CDH13: variants seen among roughly 807,000 people sequenced by gnomAD.
CDH13 encodes the protein cadherin 13.
Under a neutral mutation model 63.8 loss-of-function variants are expected in CDH13, and 24 were observed. That is an observed-to-expected ratio of 0.38 (90% CI 0.27 to 0.53). The LOEUF is 0.53. Among genes scored for constraint, CDH13 ranks in the 20% least tolerant of loss-of-function variants. The pLI, the probability that CDH13 is intolerant of heterozygous loss-of-function variation, is 0.85. For synonymous variants in CDH13, 503 were observed against 355.3 expected, an observed-to-expected ratio of 1.42 and a Z score of -4.67; for missense variants, 1,049 against 903.1, an observed-to-expected ratio of 1.16 and a Z score of -2.07.
intron 3 of CDH13, among the ~76,000 whole-genome samples, chr16:83,036,598 G>C (rs1490163543): frequency 6.6e-6 from 1 of 152,224 alleles, no homozygotes; most frequent in Admixed American, 6.5e-5. Context: ...CCAGCTCAGT[G>C]CCCTTCCCAC....
At chr16:83,341,359 A>G (rs189138819) in intron 5 of CDH13, among the ~76,000 whole-genome samples, 21 of 152,346 alleles carry the variant, frequency 1.4e-4, no homozygotes, top group Admixed American at 4.6e-4. Context: ...GGCATTTGCT[A>G]ACTGTGGGTC....
chr16:83,634,815 G>C (rs1004084717), intron 8 of CDH13, among the ~76,000 whole-genome samples: 2 of 152,196 alleles, frequency 1.3e-5, no homozygotes, highest in African/African-American at 4.8e-5. Flanking sequence ...TGGTATGCCA[G>C]AGTTCGTTGA....
chr16:83,289,192 G>T (rs957778423), intron 5 of CDH13, among the ~76,000 whole-genome samples: 1 of 141,966 alleles, frequency 7.0e-6, no homozygotes, highest in Non-Finnish European at 1.5e-5. Context: ...ATATGAATGT[G>T]CGTGAACTTG....
At chr16:83,780,486 C>T (rs181893485) in intron 12 of CDH13, among the ~76,000 whole-genome samples, 4 of 152,302 alleles carry the variant, frequency 2.6e-5, no homozygotes, top group African/African-American at 9.6e-5. Context: ...GCTACATACA[C>T]TATTTAGTAT....
intron 10 of CDH13, among the ~76,000 whole-genome samples, chr16:83,697,533 A>G (rs1905565879): frequency 6.6e-6 from 1 of 152,222 alleles, no homozygotes. Flanking sequence ...GATCAACTGT[A>G]TACGTTAAGG....
chr16:82,757,091 C>T (rs909399751), intron 1 of CDH13, among the ~76,000 whole-genome samples: 1 of 152,122 alleles, frequency 6.6e-6, no homozygotes, highest in Non-Finnish European at 1.5e-5. Flanking sequence ...ACCTCCAGTC[C>T]TCTCTTCCCA....
intron 1 of CDH13, among the ~76,000 whole-genome samples, chr16:82,698,455 C>A (rs1320433843): frequency 6.6e-6 from 1 of 152,246 alleles, no homozygotes; most frequent in Non-Finnish European, 1.5e-5. Flanking sequence ...GCAGTGCTCA[C>A]TGCCCATGCA....
intron 4 of CDH13, among the ~76,000 whole-genome samples, chr16:83,198,683 G>T (rs1204039457): frequency 3.9e-5 from 6 of 152,156 alleles, no homozygotes. Context: ...AACCCAGAGT[G>T]CAGGATTGGT....
In CDH13 at chr16:83,495,253, C is replaced by A. The variant is rs997751758; in HGVS notation, c.960+8598C>A. On this transcript the variant is annotated intron_variant, in intron 7 of 13. Coordinates refer to ENST00000567109, the MANE Select transcript of CDH13 (RefSeq NM_001257.5). ...CATTAATCAATACTTGTAAAATGTA[C>A]AATGGTTCGGTCTGGAAAGGCAGGA... 1.3e-4 allele frequency among the ~76,000 whole-genome samples: 20 copies of A among 152,080 alleles called. 1 individual carries two copies. In the East Asian group the frequency reaches 3.3e-3, roughly 25 times the overall value.
chr16:83,421,444 A>T lies in CDH13; in HGVS notation c.782-65033A>T, dbSNP rs80010915. Among the ~76,000 whole-genome samples the T allele has an allele frequency of 2.5e-3, 382 of 152,328 alleles. 3 individuals are homozygous for T. The highest frequency in any genetic ancestry group is 8.8e-3 in the African/African-American group (366 of 41,578). On this transcript the variant is annotated intron_variant, in intron 6 of 13. Coordinates refer to ENST00000567109, the MANE Select transcript of CDH13 (RefSeq NM_001257.5). The stretch of plus-strand genomic sequence containing the variant: ...GCTCTCTACATCTTTCCAATTAATT[A>T]TCCTCTGCATGTTGACTTCTTGTCC...
chr16:83,788,062 T>A (rs999223672), intron 13 of CDH13, among the ~76,000 whole-genome samples: 6 of 152,230 alleles, frequency 3.9e-5, no homozygotes, highest in African/African-American at 1.4e-4. Context: ...TGGGAATGCA[T>A]ATACACACGT....
chr16:82,724,273 G>A (rs890307439), intron 1 of CDH13, among the ~76,000 whole-genome samples: 5 of 151,494 alleles, frequency 3.3e-5, no homozygotes, highest in Admixed American at 6.6e-5. Flanking sequence ...GCATCCTTCC[G>A]TCCATCCATC....
At chr16:83,053,224 C>T (rs755584688) in intron 3 of CDH13, among the ~76,000 whole-genome samples, 1 of 151,846 alleles carries the variant, frequency 6.6e-6, no homozygotes, top group Non-Finnish European at 1.5e-5. Flanking sequence ...GTTAAAATGC[C>T]TAGGGATGGA....
intron 8 of CDH13, 85 bp from the exon 9 acceptor site, chr16:83,670,705 G>T (rs1454862583): frequency 4.5e-6 from 5 of 1,103,918 alleles, no homozygotes; most frequent in Middle Eastern, 2.0e-4. Context: ...GTGAGATGAT[G>T]TGTGTAACAT....
intron 8 of CDH13, among the ~76,000 whole-genome samples, chr16:83,624,757 C>T (rs539038085): frequency 2.0e-5 from 3 of 152,226 alleles, no homozygotes; most frequent in Admixed American, 2.0e-4. Context: ...AAAATGAGGC[C>T]TGTGGTTGAC....
intron 7 of CDH13, among the ~76,000 whole-genome samples, chr16:83,522,394 C>T (rs2074860238): frequency 6.6e-6 from 1 of 152,104 alleles, no homozygotes; most frequent in South Asian, 2.1e-4. Context: ...TGAGGTAAGG[C>T]ATATTGGGGA....
chr16:83,119,400 G>T (rs1379079560), intron 3 of CDH13, among the ~76,000 whole-genome samples: 1 of 151,954 alleles, frequency 6.6e-6, no homozygotes, highest in Non-Finnish European at 1.5e-5. Flanking sequence ...TCTGCTTCAC[G>T]TCCAGCAGGC....
At position 83,634,403 on chromosome 16, in the gene CDH13, C is replaced by CT. The variant is rs36010432; in HGVS notation, c.1101+31824dup. Among the ~76,000 whole-genome samples, 612 of 141,048 alleles carry CT rather than the reference C, an allele frequency of 4.3e-3. 1 individual carries two copies. Among genetic ancestry groups the CT allele is most frequent in the Non-Finnish European group, 5.2e-3 (339 of 65,008 alleles). 92.5% of individuals were successfully genotyped at this position (141,048 alleles called of 152,430 possible). A position where few individuals can be genotyped will look rare whatever the true frequency, so the allele number is the denominator to read the frequency against. The stretch of plus-strand genomic sequence containing the variant: ...AATATGTAACTCTTTGATATTAACT[C>CT]TTTTTTTTTTTTTTTGAGACGGAGT... On this transcript the variant is annotated intron_variant, in intron 8 of 13. Transcript: ENST00000567109.
At chr16:82,980,569 G>T (rs1051812276) in intron 2 of CDH13, among the ~76,000 whole-genome samples, 2 of 152,164 alleles carry the variant, frequency 1.3e-5, no homozygotes, top group African/African-American at 4.8e-5. Context: ...GTAACACTGT[G>T]CGGAGCTCTT....
Sources: allele counts gnomAD v4.1 joint callset (sites outside exome capture counted in the v4.1 genomes callset), GRCh38; gene constraint gnomAD v4.1.1; transcripts MANE v1.5; gene names NCBI Gene and HGNC (gene_info 2026-07-23, HGNC 2026-07-21).